VMP1: variants seen among roughly 807,000 people sequenced by gnomAD.
VMP1 encodes ectopic P-granules autophagy protein 3 homolog.
A neutral mutation model predicts 56.0 loss-of-function variants in VMP1; 11 were observed. That is an observed-to-expected ratio of 0.20 (90% confidence interval 0.12 to 0.32). The LOEUF is 0.32. VMP1 is among the 10% of genes least tolerant of loss of function. VMP1 has a pLI of 1.00. For missense variants in VMP1, 296 were observed against 490.3 expected, an observed-to-expected ratio of 0.60 and a Z score of 3.74; for synonymous variants, 149 against 165.0, an observed-to-expected ratio of 0.90 and a Z score of 0.74.
At chr17:59,759,868 T>TTTTTG (rs750809123) in intron 5 of VMP1, among the ~76,000 whole-genome samples, 15 of 150,926 alleles carry the variant, frequency 9.9e-5, no homozygotes, top group South Asian at 2.1e-4. Flanking sequence ...ACTGAGGATT[T>TTTTTG]TTTTGTTTTG....
intron 7 of VMP1, among the ~76,000 whole-genome samples, chr17:59,801,739 AC>A (rs1458762966): frequency 6.6e-6 from 1 of 152,086 alleles, no homozygotes; most frequent in Non-Finnish European, 1.5e-5. Flanking sequence ...TACTACAAAT[AC>A]AAAAATTAGC....
intron 1 of VMP1, among the ~76,000 whole-genome samples, chr17:59,714,377 C>T (rs1029977752): frequency 1.1e-4 from 17 of 152,098 alleles, no homozygotes; most frequent in Non-Finnish European, 2.2e-4. Context: ...TTCATAAGGG[C>T]AGAGCCTCCG....
At chr17:59,758,463 G>T (rs2035927573) in intron 5 of VMP1, among the ~76,000 whole-genome samples, 1 of 151,916 alleles carries the variant, frequency 6.6e-6, no homozygotes, top group Non-Finnish European at 1.5e-5. Context: ...AAGGCAGGAG[G>T]ATCCCTTGAA....
chr17:59,826,008 T>A (rs926483678), intron 10 of VMP1, among the ~76,000 whole-genome samples: 1 of 152,210 alleles, frequency 6.6e-6, no homozygotes, highest in African/African-American at 2.4e-5. Flanking sequence ...ACTTTGATCA[T>A]TGAAAATAAT....
intron 7 of VMP1, among the ~76,000 whole-genome samples, chr17:59,807,299 A>C (rs1200910769): frequency 6.7e-6 from 1 of 149,220 alleles, no homozygotes; most frequent in Admixed American, 6.7e-5. Flanking sequence ...CCGGGTTTGC[A>C]CCATTCTCCT....
intron 10 of VMP1, among the ~76,000 whole-genome samples, chr17:59,822,572 GCCTCGGCCCACCAA>G (rs2038493129): frequency 1.3e-5 from 2 of 151,894 alleles, no homozygotes; most frequent in South Asian, 4.2e-4. Context: ...TGATCCACCT[GCCTCGGCCCACCAA>G]AGTGCTGGGA....
chr17:59,810,413 C>A (rs2038016831), intron 8 of VMP1, among the ~76,000 whole-genome samples: 1 of 152,176 alleles, frequency 6.6e-6, no homozygotes, highest in Non-Finnish European at 1.5e-5. Context: ...CTCGGCCTCC[C>A]AAAGTGCTGG....
Position 59,735,161 on chromosome 17 carries a change from C to T in VMP1, c.77-177C>T, listed in dbSNP as rs956201471. Among the ~76,000 whole-genome samples the T allele has an allele frequency of 5.9e-5, 9 of 152,104 alleles. 1 individual carries two copies. The highest frequency in any genetic ancestry group is 5.9e-4 in the Admixed American group (9 of 15,264). Reference sequence around the variant, plus strand: ...TACTGACCTCAAGTGATCTGCCCTCCTCAGCCTCCCAAAGTGCTGAGATTA... The same window carrying T: ...TACTGACCTCAAGTGATCTGCCCTCTTCAGCCTCCCAAAGTGCTGAGATTA... On this transcript the variant is annotated intron_variant, in intron 2 of 11. Coordinates refer to ENST00000262291, the MANE Select transcript of VMP1 (RefSeq NM_030938.5).
rs566879945 is a variant in VMP1, at chr17:59,778,969, C to T, written c.714+5084C>T. The stretch of plus-strand genomic sequence containing the variant: ...TCAGCCAGGTGATCATGAGGGTAAA[C>T]GTCCATACTCTGCAGTGTACTGTAA... On this transcript the variant is annotated intron_variant, in intron 7 of 11. Coordinates refer to ENST00000262291, the MANE Select transcript of VMP1 (RefSeq NM_030938.5). Among the ~76,000 whole-genome samples, 6 of 152,336 alleles carry T rather than the reference C, an allele frequency of 3.9e-5. 1 individual carries two copies. The South Asian group carries it at 1.0e-3, about 26-fold the overall frequency.
intron 7 of VMP1, among the ~76,000 whole-genome samples, chr17:59,792,790 A>G (rs1248020495): frequency 2.0e-5 from 3 of 151,184 alleles, no homozygotes; most frequent in Admixed American, 6.6e-5. Context: ...CGGAGGTTGC[A>G]GTGAGCCGAG....
rs1270304312 is a variant in VMP1 at position 59,840,008 on chromosome 17, T to G, written c.*97T>G. 2.7e-6 allele frequency: 4 copies of G among 1,502,986 alleles called. No homozygotes were observed. Among genetic ancestry groups the G allele is most frequent in the Non-Finnish European group, 3.6e-6 (4 of 1,113,690 alleles). The allele number at this position is 1,502,986 out of a possible 1,614,324, so 93.1% of individuals were successfully genotyped here. The stretch of plus-strand genomic sequence containing the variant: ...GGAAGGAAAATTCCCTTTTCCAACC[T>G]GTATCAATTTTTACAACTTTTTTCC... On this transcript the variant is annotated 3_prime_UTR_variant, in exon 12 of 12. Transcript: ENST00000262291.
At chr17:59,837,202 C>T (rs1035420728) in intron 10 of VMP1, among the ~76,000 whole-genome samples, 40 of 133,848 alleles carry the variant, frequency 3.0e-4, no homozygotes, top group African/African-American at 1.1e-3. Context: ...GACTCTGTCT[C>T]AAAAAAAAAA....
intron 5 of VMP1, among the ~76,000 whole-genome samples, chr17:59,750,774 A>G: frequency 6.6e-6 from 1 of 152,182 alleles, no homozygotes; most frequent in Admixed American, 6.6e-5. Context: ...ATGCAGGCAT[A>G]TTTTTGTTCA....
At chr17:59,769,721 C>T (rs1390591060) in intron 6 of VMP1, among the ~76,000 whole-genome samples, 1 of 152,146 alleles carries the variant, frequency 6.6e-6, no homozygotes, top group Non-Finnish European at 1.5e-5. Flanking sequence ...GTACATACCA[C>T]TTATTTTGCA....
intron 1 of VMP1, among the ~76,000 whole-genome samples, chr17:59,713,402 A>C (rs1294650619): frequency 6.6e-6 from 1 of 152,120 alleles, no homozygotes; most frequent in African/African-American, 2.4e-5. Context: ...AAGTATAATA[A>C]TAATAATAAT....
chr17:59,787,613 G>C (rs2037049282), intron 7 of VMP1, among the ~76,000 whole-genome samples: 1 of 152,032 alleles, frequency 6.6e-6, no homozygotes, highest in South Asian at 2.1e-4. Context: ...CCTGAGGTCA[G>C]GAGTTTGAGA....
At position 59,764,846 on chromosome 17, in the gene VMP1, A is replaced by C. The variant is rs2036176747; in HGVS notation, c.415-125A>C. Reference sequence around the variant, plus strand: ...TACTAACTGCATCTTGAAATTATTTAGAATTATTTTTGTTCTTTGAAAGCT... The same window carrying C: ...TACTAACTGCATCTTGAAATTATTTCGAATTATTTTTGTTCTTTGAAAGCT... On this transcript the variant is annotated intron_variant, in intron 5 of 11. Transcript: ENST00000262291. 8 of 656,256 alleles carry C rather than the reference A, an allele frequency of 1.2e-5. No individual in the cohort carries two copies. In the South Asian group the frequency reaches 3.9e-4, roughly 32 times the overall value. 40.7% of individuals were successfully genotyped at this position (656,256 alleles called of 1,614,324 possible).
chr17:59,771,396 A>T (rs866713761), intron 6 of VMP1, among the ~76,000 whole-genome samples: 20 of 151,928 alleles, frequency 1.3e-4, no homozygotes, highest in South Asian at 6.2e-4. Flanking sequence ...AACTGCTGGG[A>T]TTACAGGCAT....
chr17:59,836,552 A>G (rs531693349), intron 10 of VMP1, among the ~76,000 whole-genome samples: 14 of 152,054 alleles, frequency 9.2e-5, no homozygotes, highest in East Asian at 1.9e-4. Context: ...TCTCCCTCCA[A>G]TTCCTTCGGT....
Sources: allele counts gnomAD v4.1 joint callset (sites outside exome capture counted in the v4.1 genomes callset), GRCh38; gene constraint gnomAD v4.1.1; transcripts MANE v1.5; gene names NCBI Gene and HGNC (gene_info 2026-07-23, HGNC 2026-07-21).